RGS22: variants seen among roughly 807,000 people sequenced by gnomAD.
RGS22 encodes regulator of G protein signaling 22.
RGS22 carries 148 observed loss-of-function variants against 172.9 expected under a neutral mutation model. That is an observed-to-expected ratio of 0.86 (90% CI 0.75 to 0.98). The LOEUF is 0.98. Among genes scored for constraint, RGS22 ranks in the 50% least tolerant of loss-of-function variants. RGS22 has a pLI of 0.00. For synonymous variants in RGS22, 458 were observed against 480.2 expected, an observed-to-expected ratio of 0.95 and a Z score of 0.60; for missense variants, 1,347 against 1,440.8, an observed-to-expected ratio of 0.93 and a Z score of 1.05.
chr8:100,002,542 T>C (rs1382011085), intron 17 of RGS22, among the ~76,000 whole-genome samples, 178 bp from the exon 18 acceptor site: 1 of 152,180 alleles, frequency 6.6e-6, no homozygotes, highest in East Asian at 1.9e-4. Flanking sequence ...CTAGTTCACT[T>C]GACTCTATTA....
rs549005028 is a variant in RGS22, at chr8:100,052,544, G to T, written c.1689+258C>A. 4.6e-5 allele frequency among the ~76,000 whole-genome samples: 7 copies of T among 151,862 alleles called. No individual in the cohort carries two copies. The South Asian group carries it at 1.5e-3, about 32-fold the overall frequency. The stretch of plus-strand genomic sequence containing the variant: ...TCTTGATCTCCTGACCTCGTGATCC[G>T]CCTGCCTCGGCCTCCCAAATGCTGG... On this transcript the variant is annotated intron_variant, in intron 10 of 27. Transcript: ENST00000360863.
chr8:100,044,424 T>C (rs1338165199), intron 11 of RGS22, among the ~76,000 whole-genome samples: 2 of 152,298 alleles, frequency 1.3e-5, no homozygotes, highest in East Asian at 1.9e-4. Context: ...TTTTTGTATA[T>C]TTAGTAGAGA....
rs184078213 is a variant in RGS22, at chr8:100,037,237, T to C, written c.2166+1694A>G. ...TGAGCCCAGGAGTTCAAGGCTGCAG[T>C]GAGCTATGATCCCTCCACTGCACTC... is the stretch of plus-strand genomic sequence containing the variant. On this transcript the variant is annotated intron_variant, in intron 14 of 27. Transcript: ENST00000360863. 5.4e-3 allele frequency among the ~76,000 whole-genome samples: 817 copies of C among 152,240 alleles called. 7 individuals are homozygous for C. Among genetic ancestry groups the C allele is most frequent in the Middle Eastern group, 0.034 (10 of 294 alleles).
chr8:100,053,079 G>A, intron 9 of RGS22, 103 bp from the exon 10 acceptor site: 2 of 1,019,854 alleles, frequency 2.0e-6, no homozygotes, highest in East Asian at 2.4e-5. Flanking sequence ...TAACAGTCTT[G>A]CCATACCTCT....
At chr8:100,005,760 T>C (rs1332299641) in intron 16 of RGS22, among the ~76,000 whole-genome samples, 1 of 152,180 alleles carries the variant, frequency 6.6e-6, no homozygotes, top group Non-Finnish European at 1.5e-5. Context: ...GGCTCCAATG[T>C]CTGGTCTTAG....
chr8:100,104,364 T>A (rs1222541901), intron 2 of RGS22, among the ~76,000 whole-genome samples: 3 of 98,078 alleles, frequency 3.1e-5, no homozygotes, highest in East Asian at 2.5e-4. Context: ...GTGTGTGTAT[T>A]TTTTTTTTTC....
intron 20 of RGS22, among the ~76,000 whole-genome samples, chr8:99,996,154 T>G (rs893343772): frequency 6.6e-6 from 1 of 152,018 alleles, no homozygotes; most frequent in Admixed American, 6.6e-5. Flanking sequence ...GAGAAATAAC[T>G]AATGTAAATG....
chr8:100,053,232 A>T (rs936454107), intron 9 of RGS22, among the ~76,000 whole-genome samples: 6 of 152,164 alleles, frequency 3.9e-5, no homozygotes, highest in African/African-American at 1.2e-4. Context: ...AATTATGTTC[A>T]AATTATTAGC....
Position 100,104,358 on chromosome 8 carries a change from G to A in RGS22, c.54+1016C>T, listed in dbSNP as rs1289721639. Among the ~76,000 whole-genome samples the A allele has an allele frequency of 1.3e-3, 172 of 129,724 alleles. 1 individual carries two copies. The highest frequency in any genetic ancestry group is 4.2e-3 in the African/African-American group (149 of 35,106). 85.1% of individuals were successfully genotyped at this position (129,724 alleles called of 152,430 possible). A position where few individuals can be genotyped will look rare whatever the true frequency, so the allele number is the denominator to read the frequency against. On this transcript the variant is annotated intron_variant, in intron 2 of 27. Transcript: ENST00000360863. ...TGTGTGTGTGTGTGTGTGTGTGTGTGTGTATTTTTTTTTTTCTTAAAGCAG... is the reference window on the plus strand; with the variant it reads ...TGTGTGTGTGTGTGTGTGTGTGTGTATGTATTTTTTTTTTTCTTAAAGCAG...
chr8:100,078,915 T>C (rs1811550062), intron 4 of RGS22, among the ~76,000 whole-genome samples: 1 of 152,216 alleles, frequency 6.6e-6, no homozygotes, highest in Non-Finnish European at 1.5e-5. Flanking sequence ...GTGTGAGCCA[T>C]TGCAGCTGGC....
At chr8:100,055,899 T>C (rs1284674297) in intron 9 of RGS22, among the ~76,000 whole-genome samples, 1 of 152,180 alleles carries the variant, frequency 6.6e-6, no homozygotes, top group Non-Finnish European at 1.5e-5. Flanking sequence ...AGTAAATTGG[T>C]ACCAGTAGAG....
chr8:100,069,935 G>C (rs2131834492), intron 6 of RGS22, among the ~76,000 whole-genome samples: 2 of 149,672 alleles, frequency 1.3e-5, no homozygotes, highest in East Asian at 2.0e-4. Flanking sequence ...GGCTGAGGCA[G>C]GAGAATTGCT....
At chr8:100,001,223 T>TATAC in intron 18 of RGS22, among the ~76,000 whole-genome samples, 1 of 130,756 alleles carries the variant, frequency 7.6e-6, no homozygotes, top group East Asian at 2.3e-4. Flanking sequence ...TATATATACA[T>TATAC]ATATATATAT....
intron 6 of RGS22, among the ~76,000 whole-genome samples, chr8:100,069,074 T>G (rs775413818): frequency 6.6e-6 from 1 of 152,078 alleles, no homozygotes; most frequent in Non-Finnish European, 1.5e-5. Flanking sequence ...TGACAAATAT[T>G]GCTGATAGAA....
intron 19 of RGS22, 147 bp from the exon 20 acceptor site, chr8:99,996,677 T>C: frequency 1.4e-6 from 1 of 696,098 alleles, no homozygotes; most frequent in East Asian, 2.8e-5. Context: ...AACTTAAAAA[T>C]GGAAGCCCTG....
rs968691897 is a variant in RGS22 at position 99,996,988 on chromosome 8, C to T, written c.2950-458G>A. ...GGGAACCGCTCATAACAAACCTGTG[C>T]TATTGACTCTATCTCCCTGTCCATA... is the stretch of plus-strand genomic sequence containing the variant. On this transcript the variant is annotated intron_variant, in intron 19 of 27. Transcript: ENST00000360863. Among the ~76,000 whole-genome samples the T allele has an allele frequency of 2.6e-4, 40 of 152,288 alleles. 1 individual carries two copies. Among genetic ancestry groups the T allele is most frequent in the African/African-American group, 9.4e-4 (39 of 41,562 alleles).
intron 18 of RGS22, among the ~76,000 whole-genome samples, chr8:100,001,232 A>ATATATATACATATATATATG (rs1563597888): frequency 3.1e-5 from 4 of 130,854 alleles, no homozygotes; most frequent in African/African-American, 1.1e-4. Context: ...ATATATATAT[A>ATATATATACATATATATATG]TACATTTTTT....
intron 27 of RGS22, among the ~76,000 whole-genome samples, chr8:99,961,753 A>G (rs1810222386): frequency 2.0e-5 from 3 of 152,142 alleles, no homozygotes; most frequent in Admixed American, 1.3e-4. Context: ...AATGGGCAAA[A>G]GAGTATAGAG....
At chr8:100,090,815 A>G (rs978146975) in intron 3 of RGS22, among the ~76,000 whole-genome samples, 2 of 152,154 alleles carry the variant, frequency 1.3e-5, no homozygotes, top group Non-Finnish European at 2.9e-5. Context: ...AAGTAGAGAA[A>G]ATAAGTAGAA....
Sources: allele counts gnomAD v4.1 joint callset (sites outside exome capture counted in the v4.1 genomes callset), GRCh38; gene constraint gnomAD v4.1.1; transcripts MANE v1.5; gene names NCBI Gene and HGNC (gene_info 2026-07-23, HGNC 2026-07-21).